The following STAG2 variants were observed in gnomAD, a reference collection of about 807,000 sequenced individuals.
STAG2 encodes cohesin subunit SA-2.
In STAG2, 14 loss-of-function variants were observed where a neutral mutation model predicts 108.1. The ratio of observed to expected loss-of-function variants is 0.13; its 90% confidence interval spans 0.09 to 0.20. The LOEUF (loss-of-function observed/expected upper bound fraction) is 0.20. Among genes scored for constraint, STAG2 ranks in the 10% least tolerant of loss-of-function variants. The pLI, the probability that STAG2 is intolerant of heterozygous loss-of-function variation, is 1.00. For synonymous variants in STAG2, 307 were observed against 302.7 expected (o/e 1.01, Z -0.15); for missense variants, 440 against 940.9 (o/e 0.47, Z 6.96).
intron 6 of STAG2, among the ~76,000 whole-genome samples, chrX:124,041,938 A>G (rs146704158): frequency 0.015 from 1,680 of 111,474 alleles, 34 homozygotes; most frequent in African/African-American, 0.052. Flanking sequence ...TCAGAGCTAT[A>G]GCATTTGGCA....
At chrX:124,100,004 C>T (rs909779953) in intron 34 of STAG2, among the ~76,000 whole-genome samples, 1 of 111,475 alleles carries the variant, frequency 9.0e-6, no homozygotes, top group Non-Finnish European at 1.9e-5. Context: ...CAGATTTTAC[C>T]TTACCCTTTT....
intron 23 of STAG2, 37 bp from the exon 24 acceptor site, chrX:124,068,527 C>G (rs777713202): frequency 1.0e-6 from 1 of 974,766 alleles, no homozygotes; most frequent in South Asian, 2.2e-5. Flanking sequence ...ATTGTTTATA[C>G]AATATTTTTT....
chrX:124,061,743 C>CTTTTTTTT (rs36097834), intron 16 of STAG2, 28 bp from the exon 17 acceptor site: 54 of 474,360 alleles, frequency 1.1e-4, no homozygotes, highest in African/African-American at 1.0e-3. Context: ...CTCTTTCTGA[C>CTTTTTTTT]TTTTTTTTTT....
rs918846549 is a variant in STAG2, at chrX:124,023,098, G to C, written c.44+427G>C. On this transcript the variant is annotated intron_variant, in intron 3 of 34. Transcript: ENST00000371145. ...GCAGAAATAAGTTACATGTATATTG[G>C]TCCAGAAAGTGTTTTCAACATAGGT... 2.9e-4 allele frequency among the ~76,000 whole-genome samples: 32 copies of C among 112,107 alleles called. 1 individual carries two copies. The highest frequency in any genetic ancestry group is 1.0e-3 in the African/African-American group (32 of 30,905).
chrX:123,975,497 T>C (rs1224920932), intron 1 of STAG2, among the ~76,000 whole-genome samples: 1 of 112,168 alleles, frequency 8.9e-6, no homozygotes, highest in African/African-American at 3.2e-5. Context: ...AGTTTCGCTC[T>C]TGTTGCCCAG....
chrX:123,997,648 G>C (rs764851210), intron 1 of STAG2, among the ~76,000 whole-genome samples: 2 of 112,389 alleles, frequency 1.8e-5, no homozygotes, highest in African/African-American at 3.2e-5. Context: ...GTTGGTTTTT[G>C]TTTTTTTGAG....
intron 1 of STAG2, among the ~76,000 whole-genome samples, chrX:123,982,258 T>C (rs2054910731): frequency 9.1e-6 from 1 of 109,993 alleles, no homozygotes; most frequent in Admixed American, 9.7e-5. Context: ...GATCCCTTGC[T>C]CCCAGGAGTT....
At chrX:124,013,617 C>A (rs1392478422) in intron 1 of STAG2, among the ~76,000 whole-genome samples, 2 of 111,404 alleles carry the variant, frequency 1.8e-5, no homozygotes, top group African/African-American at 6.5e-5. Context: ...AGATATGTAT[C>A]CAATATGTCA....
intron 1 of STAG2, among the ~76,000 whole-genome samples, chrX:123,999,926 T>A (rs1389240537): frequency 1.8e-5 from 2 of 108,966 alleles, no homozygotes; most frequent in African/African-American, 3.3e-5. Flanking sequence ...AGTTTTTTTT[T>A]TTTTTTATTT....
intron 15 of STAG2, among the ~76,000 whole-genome samples, 177 bp downstream of exon 15, chrX:124,058,154 CTTTTTTT>C (rs999044036): frequency 1.6e-4 from 12 of 72,943 alleles, no homozygotes; most frequent in East Asian, 4.3e-4. Context: ...TACTTTTCTT[CTTTTTTT>C]TTTTTTTTTT....
chrX:123,963,824 T>C (rs1426164972), intron 1 of STAG2, among the ~76,000 whole-genome samples: 2 of 111,902 alleles, frequency 1.8e-5, no homozygotes, highest in African/African-American at 3.2e-5. Flanking sequence ...CAAAGAATTG[T>C]GTAAGGCGTA....
rs2059494679 is a variant in STAG2 at position 124,100,829 on chromosome X, TTTTA to T, written c.*238_*241del. ...TACAGTTTTTCTTAGAAAGTAAATATTTTATTTATGCGCTGTTAGTTGGCTTTTG... is the reference window on the plus strand; with the variant it reads ...TACAGTTTTTCTTAGAAAGTAAATATTTTATGCGCTGTTAGTTGGCTTTTG... On this transcript the variant is annotated 3_prime_UTR_variant, in exon 35 of 35. Transcript: ENST00000371145. 2 of 284,429 alleles carry T rather than the reference TTTTA, an allele frequency of 7.0e-6. No homozygotes were observed. Among genetic ancestry groups the T allele is most frequent in the Middle Eastern group, 9.6e-4 (1 of 1,043 alleles). The allele number at this position is 284,429 out of a possible 1,213,427, so 23.4% of individuals were successfully genotyped here.
upstream of STAG2, chrX:123,961,576 A>C (rs1216743549): frequency 9.2e-6 from 1 of 109,166 alleles, no homozygotes; most frequent in African/African-American, 3.4e-5. Context: ...GGGAGAAAGG[A>C]GGCTCAGTTG....
Position 124,016,196 on chromosome X carries a change from G to A in STAG2, c.-162-5171G>A, listed in dbSNP as rs760326335. On this transcript the variant is annotated intron_variant, in intron 1 of 34. Coordinates refer to ENST00000371145, the MANE Select transcript of STAG2 (RefSeq NM_001042750.2). ...ACTCTATTGCCCAGACTGGAGTGCA[G>A]TGGCATGTTCTCAGCTCACTGTAGC... Among the ~76,000 whole-genome samples, 217 of 110,187 alleles carry A rather than the reference G, an allele frequency of 2.0e-3. 1 individual carries two copies. Among genetic ancestry groups the A allele is most frequent in the Middle Eastern group, 9.3e-3 (2 of 215 alleles).
chrX:124,049,125 C>T (rs772242196), intron 10 of STAG2, 47 bp downstream of exon 10: 3 of 1,005,764 alleles, frequency 3.0e-6, no homozygotes, highest in Non-Finnish European at 4.2e-6. Flanking sequence ...GTAATTTCTA[C>T]TCAGCAAGTT....
chrX:124,093,928 T>A, intron 32 of STAG2, 90 bp from the exon 33 acceptor site: 1 of 978,602 alleles, frequency 1.0e-6, no homozygotes, highest in Non-Finnish European at 1.4e-6. Flanking sequence ...TTTTCCATTA[T>A]ACTTGAATAT....
rs753978159 is a variant in STAG2 at position 124,076,328 on chromosome X, C to G, written c.2534-4C>G. The G allele has an allele frequency of 8.3e-7, 1 of 1,207,058 alleles. No individual in the cohort carries two copies. The highest frequency in any genetic ancestry group is 1.1e-6 in the Non-Finnish European group (1 of 893,228). The stretch of plus-strand genomic sequence containing the variant: ...ATGCTTAATGTTTGGGACTTTTTCT[C>G]CAGATGGTCAGCAAGAGGATGAAGC... On this transcript the variant is annotated splice_region_variant and splice_polypyrimidine_tract_variant and intron_variant, in intron 25 of 34. Coordinates refer to ENST00000371145, the MANE Select transcript of STAG2 (RefSeq NM_001042750.2).
intron 3 of STAG2, among the ~76,000 whole-genome samples, chrX:124,024,349 A>G (rs1026037304): frequency 7.2e-5 from 8 of 111,362 alleles, no homozygotes; most frequent in African/African-American, 2.6e-4. Flanking sequence ...AATATTACTT[A>G]TACATCAAGA....
Position 124,045,308 on chromosome X carries a change from C to T in STAG2, c.607C>T (p.Leu203Phe). ...DEYMMDTVIS[L>F]LTGLSDSQVR... ...GTATATGATGGATACAGTCATTTCACTTCTTACAGGATTGTCTGACTCACA... is the reference window on the plus strand; with the variant it reads ...GTATATGATGGATACAGTCATTTCATTTCTTACAGGATTGTCTGACTCACA... Residue 203 changes from leucine (L) to phenylalanine (F), a missense_variant, in exon 8 of 35, where the codon CTT (leucine) becomes TTT (phenylalanine). Physicochemically the swap from Leu to Phe is conservative, Grantham distance 22. Transcript: ENST00000371145. 1 of 1,210,373 alleles carries T rather than the reference C, an allele frequency of 8.3e-7. No homozygotes were observed. Among genetic ancestry groups the T allele is most frequent in the Non-Finnish European group, 1.1e-6 (1 of 894,902 alleles).
Sources: gnomAD v4.1 joint callset for allele counts (sites outside exome capture counted in the v4.1 genomes callset) on GRCh38, gnomAD v4.1.1 for gene constraint, MANE v1.5 for transcripts, NCBI Gene and HGNC (gene_info 2026-07-23, HGNC 2026-07-21) for gene names.